The following MAP3K2 variants were observed in gnomAD, a reference collection of about 807,000 sequenced individuals.
MAP3K2 encodes MAP/ERK kinase kinase 2.
Under a neutral mutation model 80.3 loss-of-function variants are expected in MAP3K2, and 24 were observed. That is an observed-to-expected ratio of 0.30 (90% CI 0.22 to 0.42). MAP3K2 has a LOEUF of 0.42. Among genes scored for constraint, MAP3K2 ranks in the 10% least tolerant of loss-of-function variants. MAP3K2 has a pLI of 1.00. For synonymous variants in MAP3K2, 244 were observed against 253.7 expected (o/e 0.96, Z 0.36); for missense variants, 608 against 750.1 (o/e 0.81, Z 2.21).
At chr2:127,344,408 G>C (rs945017383) in intron 1 of MAP3K2, among the ~76,000 whole-genome samples, 14 of 151,840 alleles carry the variant, frequency 9.2e-5, no homozygotes, top group African/African-American at 3.1e-4. Context: ...TAGCAATTTG[G>C]GGGGGCCAAG....
At chr2:127,383,220 T>A (rs1178868219) in intron 1 of MAP3K2, among the ~76,000 whole-genome samples, 1 of 152,090 alleles carries the variant, frequency 6.6e-6, no homozygotes, top group African/African-American at 2.4e-5. Context: ...CTTCCAACAC[T>A]GGGGATTGCA....
At chr2:127,370,996 G>A (rs911597043) in intron 1 of MAP3K2, among the ~76,000 whole-genome samples, 1 of 152,336 alleles carries the variant, frequency 6.6e-6, no homozygotes, top group East Asian at 1.9e-4. Flanking sequence ...ATTAGAAGGG[G>A]AGCTCTTAGC....
At chr2:127,311,760 A>G (rs1685811442) in intron 15 of MAP3K2, among the ~76,000 whole-genome samples, 3 of 152,220 alleles carry the variant, frequency 2.0e-5, no homozygotes, top group Admixed American at 2.0e-4. Flanking sequence ...TAAATTGTTA[A>G]TATTATCAAA....
intron 1 of MAP3K2, among the ~76,000 whole-genome samples, chr2:127,371,762 G>T (rs1281209215): frequency 6.6e-6 from 1 of 152,110 alleles, no homozygotes; most frequent in Non-Finnish European, 1.5e-5. Context: ...TATGAAGAGG[G>T]AATGTCCCAA....
intron 1 of MAP3K2, among the ~76,000 whole-genome samples, chr2:127,369,932 A>G (rs532994527): frequency 1.1e-4 from 17 of 152,232 alleles, no homozygotes; most frequent in Non-Finnish European, 2.4e-4. Flanking sequence ...ACCTTCTTGG[A>G]AGGCTGGAAG....
Position 127,312,522 on chromosome 2 carries a change from A to G in MAP3K2, c.1456+2232T>C, listed in dbSNP as rs111784585. Among the ~76,000 whole-genome samples, 1,352 of 152,224 alleles carry G rather than the reference A, an allele frequency of 8.9e-3. 14 individuals are homozygous for G. Among genetic ancestry groups the G allele is most frequent in the Non-Finnish European group, 0.015 (1,001 of 67,988 alleles). ...CAAAAAAAAATTTAATTAACTGGGC[A>G]TGGTGGTGTGTGCCTGTAGTCTCAG... On this transcript the variant is annotated intron_variant, in intron 15 of 16. Transcript: ENST00000682094.
intron 1 of MAP3K2, among the ~76,000 whole-genome samples, chr2:127,382,163 A>G (rs1459283706): frequency 1.3e-5 from 2 of 152,232 alleles, no homozygotes; most frequent in Non-Finnish European, 2.9e-5. Flanking sequence ...AGATGTAAAT[A>G]TGGATATATA....
At chr2:127,323,460 G>C (rs1195106988) in intron 11 of MAP3K2, among the ~76,000 whole-genome samples, 1 of 151,752 alleles carries the variant, frequency 6.6e-6, no homozygotes, top group Non-Finnish European at 1.5e-5. Context: ...TGAGGCAGGA[G>C]GACCGCTTGA....
chr2:127,341,495 T>A (rs1211402829), intron 2 of MAP3K2, among the ~76,000 whole-genome samples: 1 of 150,270 alleles, frequency 6.7e-6, no homozygotes, highest in Non-Finnish European at 1.5e-5. Flanking sequence ...TACACTTACG[T>A]ACTTATGGGT....
intron 1 of MAP3K2, among the ~76,000 whole-genome samples, chr2:127,353,031 C>T (rs1007890708): frequency 3.9e-5 from 6 of 152,088 alleles, no homozygotes; most frequent in African/African-American, 1.2e-4. Flanking sequence ...AGTGCAGTGG[C>T]GTGATCTCGG....
intron 1 of MAP3K2, among the ~76,000 whole-genome samples, chr2:127,381,821 C>T (rs1273649792): frequency 6.6e-5 from 10 of 150,680 alleles, no homozygotes; most frequent in Admixed American, 6.6e-4. Flanking sequence ...TATTCTTGTC[C>T]AAAATGTTGA....
rs944225304 is a variant in MAP3K2 at position 127,303,011 on chromosome 2, A to T, written c.*4568T>A. 3.3e-5 allele frequency: 5 copies of T among 152,134 alleles called. No homozygotes were observed. Among genetic ancestry groups the T allele is most frequent in the Admixed American group, 2.6e-4 (4 of 15,256 alleles). 9.4% of individuals were successfully genotyped at this position (152,134 alleles called of 1,614,324 possible). ...GTGAAGCCTACTGATTTTGGAAAAAATCTTCATTTTGGTGGGTAACTTGAA... is the reference window on the plus strand; with the variant it reads ...GTGAAGCCTACTGATTTTGGAAAAATTCTTCATTTTGGTGGGTAACTTGAA... On this transcript the variant is annotated 3_prime_UTR_variant, in exon 17 of 17. Transcript: ENST00000682094.
Position 127,375,422 on chromosome 2 carries a change from T to A in MAP3K2, c.-66+12030A>T, listed in dbSNP as rs186081154. Among the ~76,000 whole-genome samples the A allele has an allele frequency of 2.9e-3, 439 of 151,550 alleles. 3 individuals are homozygous for A. The highest frequency in any genetic ancestry group is 7.4e-3 in the South Asian group (35 of 4,750). On this transcript the variant is annotated intron_variant, in intron 1 of 16. Transcript: ENST00000682094. ...TTATTATTTATTTATTTATTTATTTTTTTTTTGAGACAGAGTCTCACTCTG... is the reference window on the plus strand; with the variant it reads ...TTATTATTTATTTATTTATTTATTTATTTTTTGAGACAGAGTCTCACTCTG...
Position 127,321,566 on chromosome 2 carries a change from T to C in MAP3K2, c.1045+480A>G, listed in dbSNP as rs1686020264. ...AGCCTGAGTTACCACTGTAGGCCTA[T>C]TCCCACTATTTCAAGTAAGATACTC... On this transcript the variant is annotated intron_variant, in intron 12 of 16. Coordinates refer to ENST00000682094, the MANE Select transcript of MAP3K2 (RefSeq NM_001371910.2). The surrounding 1 kb of genome is among the most constrained non-coding windows in gnomAD (Gnocchi z 4.4). Among the ~76,000 whole-genome samples, 1 of 152,240 alleles carries C rather than the reference T, an allele frequency of 6.6e-6. No individual in the cohort carries two copies. Among genetic ancestry groups the C allele is most frequent in the African/African-American group, 2.4e-5 (1 of 41,470 alleles).
intron 15 of MAP3K2, among the ~76,000 whole-genome samples, chr2:127,309,321 C>A (rs1341271709): frequency 6.6e-6 from 1 of 152,078 alleles, no homozygotes; most frequent in Non-Finnish European, 1.5e-5. Context: ...GTCTCATAGG[C>A]AGGCTTTGAG....
intron 5 of MAP3K2, among the ~76,000 whole-genome samples, chr2:127,333,512 T>G (rs1179630334): frequency 1.3e-5 from 2 of 152,188 alleles, no homozygotes; most frequent in Non-Finnish European, 2.9e-5. Context: ...CCTGACCACA[T>G]GTCCACAAAA....
At chr2:127,344,916 T>G (rs1212956031) in intron 1 of MAP3K2, among the ~76,000 whole-genome samples, 1 of 152,186 alleles carries the variant, frequency 6.6e-6, no homozygotes, top group Non-Finnish European at 1.5e-5. Context: ...CAGGCTGAGG[T>G]GCACTGGCAT....
intron 1 of MAP3K2, among the ~76,000 whole-genome samples, chr2:127,376,363 T>C (rs920387975): frequency 1.3e-5 from 2 of 152,174 alleles, no homozygotes; most frequent in Non-Finnish European, 2.9e-5. Flanking sequence ...CACCAGTGTG[T>C]TGACTCAAGG....
chr2:127,342,717 T>C (rs1281797136), intron 2 of MAP3K2, among the ~76,000 whole-genome samples: 1 of 152,032 alleles, frequency 6.6e-6, no homozygotes, highest in South Asian at 2.1e-4. Context: ...ACATACACAA[T>C]CCATTCCCAT....
Sources: allele counts gnomAD v4.1 joint callset (sites outside exome capture counted in the v4.1 genomes callset), GRCh38; gene constraint gnomAD v4.1.1; non-coding constraint Gnocchi (gnomAD v3.1); transcripts MANE v1.5; gene names NCBI Gene and HGNC (gene_info 2026-07-23, HGNC 2026-07-21).